CD63: variants seen among roughly 807,000 people sequenced by gnomAD.
The protein encoded by CD63 is CD63 molecule.
Under a neutral mutation model 29.2 loss-of-function variants are expected in CD63, and 16 were observed. That is an observed-to-expected ratio of 0.55 (90% CI 0.37 to 0.83). The LOEUF is 0.83. Among genes scored for constraint, CD63 ranks in the 40% least tolerant of loss-of-function variants. CD63 has a pLI of 0.00. For synonymous variants in CD63, 118 were observed against 111.7 expected, an observed-to-expected ratio of 1.06 and a Z score of -0.36; for missense variants, 251 against 297.3, an observed-to-expected ratio of 0.84 and a Z score of 1.15.
chr12:55,724,938 T>TC (rs1877141082), downstream of CD63, among the ~76,000 whole-genome samples: 1 of 152,168 alleles, frequency 6.6e-6, no homozygotes, highest in Non-Finnish European at 1.5e-5. Context: ...TCTTCATATT[T>TC]CTTGGGGGAG....
chr12:55,724,265 C>T (rs1877086030), downstream of CD63: 3 of 1,595,338 alleles, frequency 1.9e-6, no homozygotes, highest in Middle Eastern at 1.7e-4. Flanking sequence ...AAGACAGTAC[C>T]TAAGATGGGC....
At chr12:55,723,794 G>A, downstream of CD63, 1 of 1,451,248 alleles carries the variant, frequency 6.9e-7, no homozygotes, top group Non-Finnish European at 9.6e-7. Context: ...TCCCTGGTCT[G>A]TGGTAACTTT....
chr12:55,727,512 C>T, intron 2 of CD63, 173 bp from the exon 3 acceptor site: 2 of 1,218,146 alleles, frequency 1.6e-6, no homozygotes, highest in South Asian at 3.7e-5. Flanking sequence ...TCCTTGCCTG[C>T]CCCTACCTCC....
In CD63 at chr12:55,728,999, CG is replaced by C; in HGVS notation, c.-59del. The C allele has an allele frequency of 2.0e-6, 2 of 985,428 alleles. No individual in the cohort carries two copies. Among genetic ancestry groups the C allele is most frequent in the Non-Finnish European group, 2.4e-6 (2 of 830,044 alleles). 61.0% of individuals were successfully genotyped at this position (985,428 alleles called of 1,614,324 possible). A position where few individuals can be genotyped will look rare whatever the true frequency, so the allele number is the denominator to read the frequency against. On this transcript the variant is annotated 5_prime_UTR_variant, in exon 1 of 8. Coordinates refer to ENST00000257857, the MANE Select transcript of CD63 (RefSeq NM_001780.6). This position sits in a 1 kb window ranked among gnomAD's most constrained non-coding sequence, Gnocchi z 4.8. ...GCGCGTTCCTCTCCCGCCGCGGCTCCGGGGCTCTCTAGCTGCGCCCCCCGGC... is the reference window on the plus strand; with the variant it reads ...GCGCGTTCCTCTCCCGCCGCGGCTCCGGGCTCTCTAGCTGCGCCCCCCGGC...
chr12:55,726,175 A>AATGC lies in CD63; in HGVS notation c.509_512dup (p.Ile171MetfsTer3). 1 of 1,614,020 alleles carries AATGC rather than the reference A, an allele frequency of 6.2e-7. No individual in the cohort carries two copies. The highest frequency in any genetic ancestry group is 8.5e-7 in the Non-Finnish European group (1 of 1,179,978). On this transcript the variant is annotated frameshift_variant, in exon 6 of 8. Coordinates refer to ENST00000257857, the MANE Select transcript of CD63 (RefSeq NM_001780.6). LOFTEE classifies it high-confidence loss of function. ...TAATCCCACAGCCCACAGTAACATT[A>AATGC]ATGCAGCAGGAGTCGGGGACTCGGT...
At position 55,728,535 on chromosome 12, in the gene CD63, G is replaced by A. The variant is rs1238488848; in HGVS notation, c.-11-183C>T. The A allele has an allele frequency of 7.0e-6, 10 of 1,437,110 alleles. No homozygotes were observed. In the Admixed American group the frequency reaches 2.2e-4, roughly 32 times the overall value. 89.0% of individuals were successfully genotyped at this position (1,437,110 alleles called of 1,614,324 possible). The stretch of plus-strand genomic sequence containing the variant: ...CTTTACCCGCAGGAGAGGGGTGGGG[G>A]CGACGGCCGCGAAGCCCGGACCCCG... On this transcript the variant is annotated intron_variant, in intron 1 of 7. Coordinates refer to ENST00000257857, the MANE Select transcript of CD63 (RefSeq NM_001780.6). The surrounding 1 kb of genome is among the most constrained non-coding windows in gnomAD (Gnocchi z 4.8).
chr12:55,724,343 T>A (rs1238384992), downstream of CD63: 2 of 1,614,118 alleles, frequency 1.2e-6, no homozygotes, highest in South Asian at 2.2e-5. Flanking sequence ...CAACAGCGCA[T>A]CATGAACCTG....
At chr12:55,723,888 G>A (rs367757406), downstream of CD63, 21 of 1,613,648 alleles carry the variant, frequency 1.3e-5, no homozygotes, top group African/African-American at 6.7e-5. Context: ...GACTCTAGGC[G>A]GGATGTAGCT....
rs1379269633 is a variant in CD63 at position 55,727,798 on chromosome 12, A to T, written c.67-459T>A. On this transcript the variant is annotated intron_variant, in intron 2 of 7. Transcript: ENST00000257857. ...GAGTGATGTGTCCCTCCCTAGACAA[A>T]CAGTAGCCTCTCAAGCCAGGAGCCC... 4 of 1,028,202 alleles carry T rather than the reference A, an allele frequency of 3.9e-6. No homozygotes were observed. The East Asian group carries it at 3.8e-4, about 98-fold the overall frequency. 63.7% of individuals were successfully genotyped at this position (1,028,202 alleles called of 1,614,324 possible). A position where few individuals can be genotyped will look rare whatever the true frequency, so the allele number is the denominator to read the frequency against.
At position 55,728,295 on chromosome 12, in the gene CD63, A is replaced by G; in HGVS notation, c.47T>C (p.Val16Ala). The G allele has an allele frequency of 6.2e-7, 1 of 1,610,942 alleles. No individual in the cohort carries two copies. Among genetic ancestry groups the G allele is most frequent in the Non-Finnish European group, 8.5e-7 (1 of 1,179,102 alleles). The change falls in exon 2 of 8, where the codon GTC becomes GCC. Residue 16 changes from valine to alanine, a missense_variant. Transcript: ENST00000257857. This position sits in a 1 kb window ranked among gnomAD's most constrained non-coding sequence, Gnocchi z 4.8. Reference protein sequence around the residue: ...GMKCVKFLLYVLLLAFCACAV... With the variant: ...GMKCVKFLLYALLLAFCACAV... ...ACTCACGCAAAAGGCCAGCAGGAGG[A>G]CGTAGAGCAAGAACTTCACACATTT...
intron 5 of CD63, 132 bp from the exon 6 acceptor site, chr12:55,726,393 G>T: frequency 2.5e-6 from 2 of 807,448 alleles, no homozygotes; most frequent in Non-Finnish European, 3.6e-6. Flanking sequence ...CCAGACAAGT[G>T]CCCAGCGGTG....
chr12:55,725,459 C>G lies in CD63; in HGVS notation c.*102G>C, dbSNP rs1222272739. The G allele has an allele frequency of 2.5e-5, 24 of 964,978 alleles. No homozygotes were observed. The Admixed American group carries it at 4.2e-4, about 17-fold the overall frequency. The allele number at this position is 964,978 out of a possible 1,614,324, so 59.8% of individuals were successfully genotyped here. ...ATCAAGCATCACTCTAAGACAAACT[C>G]AGACCATCTCTTTTCGGTCTGAAAA... On this transcript the variant is annotated 3_prime_UTR_variant, in exon 8 of 8. Coordinates refer to ENST00000257857, the MANE Select transcript of CD63 (RefSeq NM_001780.6).
Position 55,728,634 on chromosome 12 carries a change from C to T in CD63, c.-11-282G>A, listed in dbSNP as rs1031379572. 7.7e-7 allele frequency: 1 copy of T among 1,297,572 alleles called. No homozygotes were observed. Among genetic ancestry groups the T allele is most frequent in the Admixed American group, 3.5e-5 (1 of 28,468 alleles). The allele number at this position is 1,297,572 out of a possible 1,614,324, so 80.4% of individuals were successfully genotyped here. On this transcript the variant is annotated intron_variant, in intron 1 of 7. Transcript: ENST00000257857. The surrounding 1 kb of genome is among the most constrained non-coding windows in gnomAD (Gnocchi z 4.8). ...CTTGAGCCTGACGCCGACCCTCGGC[C>T]CGCCAGTCTCCGGGCGTCAAACACC...
Position 55,728,134 on chromosome 12 carries a change from G to A in CD63, c.66+142C>T. On this transcript the variant is annotated intron_variant, in intron 2 of 7. Coordinates refer to ENST00000257857, the MANE Select transcript of CD63 (RefSeq NM_001780.6). The surrounding 1 kb of genome is among the most constrained non-coding windows in gnomAD (Gnocchi z 4.8). ...GTGTCCAGGAAAACTGGAGGAGGGAGTGGCTGCGCTGTCTTTCCCTGGCTT... is the reference window on the plus strand; with the variant it reads ...GTGTCCAGGAAAACTGGAGGAGGGAATGGCTGCGCTGTCTTTCCCTGGCTT... 1 of 843,762 alleles carries A rather than the reference G, an allele frequency of 1.2e-6. No individual in the cohort carries two copies. The highest frequency in any genetic ancestry group is 1.9e-6 in the Non-Finnish European group (1 of 531,156). 52.3% of individuals were successfully genotyped at this position (843,762 alleles called of 1,614,324 possible).
At chr12:55,724,883 C>T (rs1233846078), downstream of CD63, among the ~76,000 whole-genome samples, 1 of 152,144 alleles carries the variant, frequency 6.6e-6, no homozygotes, top group Non-Finnish European at 1.5e-5. Context: ...CCCTTATTTT[C>T]TGAAGGGGAG....
At chr12:55,725,219 C>T, downstream of CD63, 1 of 354,782 alleles carries the variant, frequency 2.8e-6, no homozygotes, top group Non-Finnish European at 5.3e-6. Flanking sequence ...TTGACTTATG[C>T]AGCAGATGGC....
chr12:55,724,468 GCCT>G (rs2136143155), downstream of CD63: 3 of 1,613,950 alleles, frequency 1.9e-6, no homozygotes, highest in Admixed American at 1.7e-5. Flanking sequence ...CTGGCTGCCT[GCCT>G]CCTACCTGCC....
At position 55,727,000 on chromosome 12, in the gene CD63, C is replaced by T; in HGVS notation, c.256-36G>A. On this transcript the variant is annotated intron_variant, in intron 3 of 7. Coordinates refer to ENST00000257857, the MANE Select transcript of CD63 (RefSeq NM_001780.6). ...AAAGGACAGAAGTCAAGTTTGGAGT[C>T]TATGCATTACAGGGGCCCGTTTTGG... 2.5e-6 allele frequency: 4 copies of T among 1,605,946 alleles called. No individual in the cohort carries two copies. In the Middle Eastern group the frequency reaches 5.0e-4, roughly 199 times the overall value.
Position 55,725,887 on chromosome 12 carries a change from CCA to C in CD63, c.575_576del (p.Val192GlyfsTer87), listed in dbSNP as rs1373036125. The C allele has an allele frequency of 1.2e-6, 2 of 1,614,078 alleles. No homozygotes were observed. The highest frequency in any genetic ancestry group is 1.7e-6 in the Non-Finnish European group (2 of 1,179,984). ...TTCCTCAGCCAGCCCCCAATCTTCT[CCA>C]CACAGCCCTGAAGGTGGCAGGCACA... ...NEKAIHKEGC[V>X]EKIGGWLRKN... is the part of the protein sequence containing the mutation. On this transcript the variant is annotated frameshift_variant, in exon 7 of 8. Coordinates refer to ENST00000257857, the MANE Select transcript of CD63 (RefSeq NM_001780.6). LOFTEE classifies it high-confidence loss of function.
Sources: allele counts gnomAD v4.1 joint callset (sites outside exome capture counted in the v4.1 genomes callset), GRCh38; gene constraint gnomAD v4.1.1; non-coding constraint Gnocchi (gnomAD v3.1); transcripts MANE v1.5; gene names NCBI Gene and HGNC (gene_info 2026-07-23, HGNC 2026-07-21).